ANKH: variants seen among roughly 807,000 people sequenced by gnomAD.
ANKH encodes the protein mineralization regulator ANKH.
Under a neutral mutation model 49.0 loss-of-function variants are expected in ANKH, and 15 were observed. That is an observed-to-expected ratio of 0.31 (90% CI 0.20 to 0.47). ANKH has a LOEUF of 0.47. ANKH is among the 20% of genes least tolerant of loss of function. ANKH has a pLI of 1.00. For missense variants in ANKH, 429 were observed against 652.0 expected, an observed-to-expected ratio of 0.66 and a Z score of 3.72; for synonymous variants, 273 against 260.0, an observed-to-expected ratio of 1.05 and a Z score of -0.48.
At chr5:14,746,862 T>C (rs1738558410) in intron 6 of ANKH, among the ~76,000 whole-genome samples, 1 of 152,216 alleles carries the variant, frequency 6.6e-6, no homozygotes, top group Non-Finnish European at 1.5e-5. Context: ...TTGGGTTTTA[T>C]TACACCTTAA....
intron 1 of ANKH, chr5:14,869,941 A>T (rs1735766692): frequency 6.6e-6 from 1 of 152,214 alleles, no homozygotes; most frequent in South Asian, 2.1e-4. Flanking sequence ...TAAAATGGGC[A>T]ATGTAGTAAA....
intron 3 of ANKH, among the ~76,000 whole-genome samples, chr5:14,757,062 C>T (rs970593680): frequency 1.3e-5 from 2 of 152,112 alleles, no homozygotes; most frequent in African/African-American, 4.8e-5. Context: ...TGGAATTCAC[C>T]GTATAACTGT....
chr5:14,795,108 C>T (rs753895491), intron 1 of ANKH, among the ~76,000 whole-genome samples: 5 of 152,176 alleles, frequency 3.3e-5, no homozygotes, highest in Non-Finnish European at 7.3e-5. Context: ...CAGGCAGCTG[C>T]TCTTTTCAGA....
intron 1 of ANKH, among the ~76,000 whole-genome samples, chr5:14,805,289 G>A (rs1323392671): frequency 6.6e-6 from 1 of 151,604 alleles, no homozygotes; most frequent in Non-Finnish European, 1.5e-5. Flanking sequence ...GACTCGGACT[G>A]GCTCTCCTTG....
At chr5:14,854,421 T>C (rs1209883925) in intron 1 of ANKH, among the ~76,000 whole-genome samples, 1 of 152,260 alleles carries the variant, frequency 6.6e-6, no homozygotes, top group South Asian at 2.1e-4. Context: ...GGCTCACGCC[T>C]GTAATCCCAG....
intron 1 of ANKH, chr5:14,870,255 CAAT>C (rs1430288255): frequency 6.6e-6 from 1 of 152,074 alleles, no homozygotes; most frequent in Non-Finnish European, 1.5e-5. Flanking sequence ...TACAGAGTTG[CAAT>C]TATTCAAAAG....
intron 1 of ANKH, among the ~76,000 whole-genome samples, chr5:14,852,939 G>A (rs1742157320): frequency 6.6e-6 from 1 of 151,980 alleles, no homozygotes; most frequent in South Asian, 2.1e-4. Flanking sequence ...AAGCAGATCT[G>A]TTTCACACCC....
At chr5:14,792,362 C>T (rs538895641) in intron 1 of ANKH, among the ~76,000 whole-genome samples, 4 of 152,182 alleles carry the variant, frequency 2.6e-5, no homozygotes, top group Non-Finnish European at 4.4e-5. Flanking sequence ...GAAACCAACT[C>T]TTGCCAGAGT....
intron 1 of ANKH, among the ~76,000 whole-genome samples, chr5:14,793,878 AC>A (rs1309771132): frequency 3.3e-5 from 5 of 152,198 alleles, no homozygotes; most frequent in African/African-American, 1.2e-4. Context: ...TGTGTGGCTG[AC>A]TATTGAACAA....
At chr5:14,718,352 C>A (rs1362817263) in intron 8 of ANKH, among the ~76,000 whole-genome samples, 1 of 151,586 alleles carries the variant, frequency 6.6e-6, no homozygotes, top group Non-Finnish European at 1.5e-5. Context: ...CAAAGGCCTC[C>A]AATGTGAGGA....
Position 14,848,547 on chromosome 5 carries a change from G to A in ANKH, c.96+22805C>T, listed in dbSNP as rs189688771. ...CCGTCCGGCACTGATCACCGCCATC[G>A]CAGACCCGCCGCTGACTTCCACCCC... is the stretch of plus-strand genomic sequence containing the variant. On this transcript the variant is annotated intron_variant, in intron 1 of 11. Coordinates refer to ENST00000284268, the MANE Select transcript of ANKH (RefSeq NM_054027.6). Among the ~76,000 whole-genome samples, 1,168 of 152,258 alleles carry A rather than the reference G, an allele frequency of 7.7e-3. 7 individuals carry two copies. Among genetic ancestry groups the A allele is most frequent in the Non-Finnish European group, 0.011 (739 of 68,012 alleles).
chr5:14,716,456 C>T (rs887775509), intron 9 of ANKH, among the ~76,000 whole-genome samples: 1 of 152,154 alleles, frequency 6.6e-6, no homozygotes, highest in African/African-American at 2.4e-5. Flanking sequence ...TGTGCTACTG[C>T]ATTCCAGCCT....
chr5:14,835,812 A>C (rs1286772193), intron 1 of ANKH, among the ~76,000 whole-genome samples: 1 of 152,128 alleles, frequency 6.6e-6, no homozygotes, highest in African/African-American at 2.4e-5. Flanking sequence ...AGACACAACA[A>C]AAAAAAGAGA....
chr5:14,759,947 C>T (rs1561042472), intron 2 of ANKH, among the ~76,000 whole-genome samples: 1 of 152,006 alleles, frequency 6.6e-6, no homozygotes, highest in Non-Finnish European at 1.5e-5. Context: ...AGTAGGTGTG[C>T]CTACTATTTT....
chr5:14,744,749 G>T (rs1413150284), intron 7 of ANKH, among the ~76,000 whole-genome samples: 1 of 152,222 alleles, frequency 6.6e-6, no homozygotes, highest in Non-Finnish European at 1.5e-5. Context: ...GGGAGAGGGG[G>T]TCCCCAGGTC....
At chr5:14,857,685 G>C (rs1320216816) in intron 1 of ANKH, among the ~76,000 whole-genome samples, 2 of 152,076 alleles carry the variant, frequency 1.3e-5, no homozygotes, top group Non-Finnish European at 2.9e-5. Context: ...AAACTTAATA[G>C]ATCTCTCAGC....
intron 1 of ANKH, among the ~76,000 whole-genome samples, chr5:14,847,298 G>A (rs1327701876): frequency 6.6e-6 from 1 of 152,218 alleles, no homozygotes; most frequent in African/African-American, 2.4e-5. Context: ...AAAAGGGGCT[G>A]TTACTGGTTT....
At chr5:14,759,694 G>C (rs1014502810) in intron 2 of ANKH, among the ~76,000 whole-genome samples, 12 of 150,566 alleles carry the variant, frequency 8.0e-5, no homozygotes, top group African/African-American at 2.9e-4. Flanking sequence ...GAGTTCAAGG[G>C]TACAGTGAGC....
chr5:14,726,300 T>C lies in ANKH; in HGVS notation c.1012-9465A>G, dbSNP rs960220599. On this transcript the variant is annotated intron_variant, in intron 8 of 11. Transcript: ENST00000284268. ...TTTCTTAGTGCCAGACTGCACCAGC[T>C]GCATGCACGTAAGGAAGGAGGACAG... 4.6e-5 allele frequency among the ~76,000 whole-genome samples: 7 copies of C among 152,306 alleles called. No homozygotes were observed. The East Asian group carries it at 1.3e-3, about 29-fold the overall frequency.
Sources: gnomAD v4.1 joint callset for allele counts (sites outside exome capture counted in the v4.1 genomes callset) on GRCh38, gnomAD v4.1.1 for gene constraint, MANE v1.5 for transcripts, NCBI Gene and HGNC (gene_info 2026-07-23, HGNC 2026-07-21) for gene names.